Variants in DCAF4 observed in about 807,000 individuals in gnomAD.
DCAF4 encodes DDB1- and CUL4-associated factor 4.
A neutral mutation model predicts 60.9 loss-of-function variants in DCAF4; 37 were observed. That is an observed-to-expected ratio of 0.61 (90% CI 0.47 to 0.80). DCAF4 has a LOEUF of 0.80. Among genes scored for constraint, DCAF4 ranks in the 30% least tolerant of loss-of-function variants. DCAF4 has a pLI of 0.00. For missense variants in DCAF4, 577 were observed against 650.0 expected (o/e 0.89, Z 1.22); for synonymous variants, 243 against 254.8 (o/e 0.95, Z 0.44).
At chr14:72,955,215 G>C (rs1253741601) in intron 11 of DCAF4, among the ~76,000 whole-genome samples, 1 of 152,022 alleles carries the variant, frequency 6.6e-6, no homozygotes, top group Non-Finnish European at 1.5e-5. Context: ...GCTTTTGGTG[G>C]AGATGGAATG....
At chr14:72,945,529 G>A (rs769917379) in intron 6 of DCAF4, among the ~76,000 whole-genome samples, 20 of 149,662 alleles carry the variant, frequency 1.3e-4, no homozygotes, top group Non-Finnish European at 2.1e-4. Flanking sequence ...TTCCTATTGC[G>A]CCACAGCCTT....
intron 4 of DCAF4, among the ~76,000 whole-genome samples, chr14:72,940,856 G>A (rs1278129893): frequency 2.0e-5 from 3 of 152,012 alleles, no homozygotes; most frequent in African/African-American, 7.2e-5. Flanking sequence ...CTCCCAAAGT[G>A]CTGGGATTAC....
intron 1 of DCAF4, among the ~76,000 whole-genome samples, chr14:72,928,187 CTTTTT>C (rs565229070): frequency 3.1e-4 from 21 of 67,276 alleles, no homozygotes; most frequent in Admixed American, 2.9e-3. Context: ...AATCCCCCCA[CTTTTT>C]TTTTTTTTTT....
chr14:72,955,416 C>A, intron 11 of DCAF4, 107 bp from the exon 12 acceptor site: 1 of 1,340,576 alleles, frequency 7.5e-7, no homozygotes, highest in Non-Finnish European at 1.0e-6. Context: ...CTAATCACAC[C>A]GTCTGACCCA....
rs146163595 is a variant in DCAF4 at position 72,939,070 on chromosome 14, T to C, written c.93-732T>C. 1.1e-4 allele frequency among the ~76,000 whole-genome samples: 17 copies of C among 149,432 alleles called. No homozygotes were observed. In the East Asian group the frequency reaches 3.7e-3, roughly 32 times the overall value. On this transcript the variant is annotated intron_variant, in intron 2 of 13. Transcript: ENST00000358377. ...AATGTATTTTTAAAATAAAGTTGGC[T>C]GGGCCGGGTGTGGTGGCTGACGCCT...
downstream of DCAF4, chr14:72,960,546 C>T (rs1413380610): frequency 6.2e-6 from 6 of 965,038 alleles, no homozygotes; most frequent in Non-Finnish European, 7.6e-6. Flanking sequence ...TTGCACTGTG[C>T]CCCCTCAGCA....
intron 1 of DCAF4, among the ~76,000 whole-genome samples, chr14:72,934,584 C>G (rs151089443): frequency 6.6e-6 from 1 of 152,174 alleles, no homozygotes; most frequent in Non-Finnish European, 1.5e-5. Context: ...ACCACCACGC[C>G]GGGCTTGCCT....
In DCAF4 at chr14:72,940,271, T is replaced by A. The variant is rs1488878358; in HGVS notation, c.245T>A (p.Leu82His). The A allele has an allele frequency of 1.9e-6, 3 of 1,614,164 alleles. No individual in the cohort carries two copies. The change falls in exon 4 of 14, where the codon CTC becomes CAC. Residue 82 changes from leucine (L) to histidine (H), a missense_variant. Coordinates refer to ENST00000358377, the MANE Select transcript of DCAF4 (RefSeq NM_015604.4). Reference protein sequence around the residue: ...DPEKKRYFRLLPGHNNCNPLT... With the variant: ...DPEKKRYFRLHPGHNNCNPLT... Reference sequence around the variant, plus strand: ...GAAAAGAAACGCTACTTCCGCTTGCTCCCTGGACATAACAACTGCAACCCC... The same window carrying A: ...GAAAAGAAACGCTACTTCCGCTTGCACCCTGGACATAACAACTGCAACCCC...
chr14:72,946,008 T>TC lies in DCAF4; in HGVS notation c.660dup (p.Tyr221LeufsTer47), dbSNP rs1204390528. The TC allele has an allele frequency of 6.2e-7, 1 of 1,614,074 alleles. No homozygotes were observed. Among genetic ancestry groups the TC allele is most frequent in the Admixed American group, 1.7e-5 (1 of 60,002 alleles). ...CTCAAGGTGTTCATGCACGAAAACC[T>TC]CTACTTCACCAACCGGAAGGTACGT... On this transcript the variant is annotated frameshift_variant, in exon 7 of 14. Coordinates refer to ENST00000358377, the MANE Select transcript of DCAF4 (RefSeq NM_015604.4). LOFTEE classifies it high-confidence loss of function.
rs757832863 is a variant in DCAF4, at chr14:72,958,785, T to C, written c.1468T>C (p.Tyr490His). The change falls in exon 14 of 14, where the codon TAC becomes CAC. Residue 490 changes from tyrosine to histidine, a missense_variant. By Grantham distance (83) the Tyr-to-His change is moderately conservative. Transcript: ENST00000358377. ...GLLMAVGQDL[Y>H]CYSYS ...GCTCATGGCTGTCGGGCAGGACCTT[T>C]ACTGTTACTCCTACAGCTAATTCTG... 6.3e-6 allele frequency: 10 copies of C among 1,582,018 alleles called. No homozygotes were observed. The African/African-American group carries it at 1.2e-4, about 19-fold the overall frequency.
downstream of DCAF4, chr14:72,961,894 C>A (rs1892835655): frequency 1.8e-6 from 2 of 1,128,302 alleles, no homozygotes; most frequent in Non-Finnish European, 2.2e-6. Flanking sequence ...TGATGTCAAA[C>A]TGGTCAGTGG....
At chr14:72,948,567 T>C (rs1229445731) in intron 8 of DCAF4, among the ~76,000 whole-genome samples, 6 of 152,116 alleles carry the variant, frequency 3.9e-5, no homozygotes, top group Admixed American at 3.3e-4. Flanking sequence ...AACAAGAACC[T>C]CACTCACATT....
chr14:72,954,286 C>T (rs1304512930), intron 10 of DCAF4, 24 bp downstream of exon 10: 9 of 1,613,790 alleles, frequency 5.6e-6, no homozygotes, highest in African/African-American at 1.3e-5. Context: ...CCCAGGTGCC[C>T]AGAGAAGAGG....
chr14:72,959,540 A>G lies in DCAF4; in HGVS notation c.*735A>G. 3 of 985,544 alleles carry G rather than the reference A, an allele frequency of 3.0e-6. No individual in the cohort carries two copies. Among genetic ancestry groups the G allele is most frequent in the Non-Finnish European group, 3.6e-6 (3 of 829,934 alleles). The allele number at this position is 985,544 out of a possible 1,614,324, so 61.0% of individuals were successfully genotyped here. On this transcript the variant is annotated 3_prime_UTR_variant, in exon 14 of 14. Transcript: ENST00000358377. ...GTCAGATTCAAGGGCCCGGCGTCAA[A>G]GGAAATTGGTTTTGACTTTTTGTAA...
chr14:72,955,121 AAAAATTGTGGTCATT>A (rs1021951065), intron 11 of DCAF4, among the ~76,000 whole-genome samples: 2 of 152,098 alleles, frequency 1.3e-5, no homozygotes, highest in African/African-American at 4.8e-5. Context: ...AAAAAAAAAA[AAAAATTGTGGTCATT>A]ACTATATTTC....
At chr14:72,932,341 A>G (rs907383395) in intron 1 of DCAF4, among the ~76,000 whole-genome samples, 3 of 152,190 alleles carry the variant, frequency 2.0e-5, no homozygotes, top group African/African-American at 7.2e-5. Context: ...GTAACAAGGT[A>G]ATACTGGCCT....
chr14:72,929,664 T>A (rs1296347191), intron 1 of DCAF4: 1 of 1,335,374 alleles, frequency 7.5e-7, no homozygotes, highest in Non-Finnish European at 1.1e-6. Context: ...CTTGCTCAGC[T>A]CCTCCCGCTT....
chr14:72,942,089 T>G (rs888125803), intron 5 of DCAF4: 21 of 412,626 alleles, frequency 5.1e-5, no homozygotes, highest in Middle Eastern at 4.0e-4. Context: ...TATTCTCTGT[T>G]ACTCGTAAGT....
intron 8 of DCAF4, among the ~76,000 whole-genome samples, chr14:72,949,482 C>T (rs919061915): frequency 3.3e-5 from 5 of 151,728 alleles, no homozygotes; most frequent in Admixed American, 1.3e-4. Context: ...TGACTGGGCA[C>T]AGTGGCTCAT....
Sources: allele counts gnomAD v4.1 joint callset (sites outside exome capture counted in the v4.1 genomes callset), GRCh38; gene constraint gnomAD v4.1.1; transcripts MANE v1.5; gene names NCBI Gene and HGNC (gene_info 2026-07-23, HGNC 2026-07-21).